SANBR: variants seen among roughly 807,000 people sequenced by gnomAD.
SANBR encodes SANT and BTB domain regulator of CSR.
SANBR carries 77 observed loss-of-function variants against 101.8 expected under a neutral mutation model. That is an observed-to-expected ratio of 0.76 (90% CI 0.63 to 0.91). SANBR has a LOEUF of 0.91. Ranked by LOEUF, SANBR falls within the 40% of genes least tolerant of loss-of-function variation. The pLI is 0.00. For missense variants in SANBR, 875 were observed against 853.0 expected (o/e 1.03, Z -0.32); for synonymous variants, 279 against 274.7 (o/e 1.02, Z -0.15).
At chr2:61,078,280 A>G (rs953151983) in intron 6 of SANBR, among the ~76,000 whole-genome samples, 1 of 152,226 alleles carries the variant, frequency 6.6e-6, no homozygotes, top group Admixed American at 6.5e-5. Flanking sequence ...ATACATTGCA[A>G]TTAACCTTTA....
intron 10 of SANBR, among the ~76,000 whole-genome samples, chr2:61,091,028 A>T (rs1370538942): frequency 6.6e-6 from 1 of 150,898 alleles, no homozygotes; most frequent in Non-Finnish European, 1.5e-5. Context: ...TCTGCCTCAG[A>T]CTCAGCCTCC....
At position 61,120,422 on chromosome 2, in the gene SANBR, C is replaced by T. The variant is rs145567465; in HGVS notation, c.2029-763C>T. 1.5e-3 allele frequency among the ~76,000 whole-genome samples: 222 copies of T among 152,274 alleles called. 1 individual carries two copies. The highest frequency in any genetic ancestry group is 3.9e-3 in the Admixed American group (60 of 15,290). On this transcript the variant is annotated intron_variant, in intron 20 of 21. Transcript: ENST00000402291. ...GGCTGAGGCAGGAGAATCACTTGAA[C>T]CCGGAAGGTTGAGGTTGCAGTGAGC...
intron 17 of SANBR, 200 bp from the exon 18 acceptor site, chr2:61,117,157 C>G: frequency 1.8e-6 from 1 of 568,260 alleles, no homozygotes; most frequent in Non-Finnish European, 3.1e-6. Flanking sequence ...TTCTTAACTT[C>G]TCTGAACCTG....
At chr2:61,109,740 C>T (rs1435206812) in intron 16 of SANBR, among the ~76,000 whole-genome samples, 1 of 135,822 alleles carries the variant, frequency 7.4e-6, no homozygotes, top group Non-Finnish European at 1.5e-5. Flanking sequence ...GCAATCTTGG[C>T]TCACTGCAAC....
chr2:61,100,113 G>A (rs1029140157), intron 12 of SANBR, among the ~76,000 whole-genome samples: 6 of 151,918 alleles, frequency 3.9e-5, no homozygotes, highest in Non-Finnish European at 5.9e-5. Context: ...GGGGTTTTTC[G>A]TTTGTTTGTT....
intron 5 of SANBR, among the ~76,000 whole-genome samples, chr2:61,074,826 C>T (rs905874811): frequency 3.9e-5 from 6 of 152,146 alleles, no homozygotes; most frequent in South Asian, 2.1e-4. Context: ...AACTCTGTTT[C>T]GTTAGTTCAA....
At chr2:61,081,041 A>G (rs908278006) in intron 6 of SANBR, among the ~76,000 whole-genome samples, 6 of 152,304 alleles carry the variant, frequency 3.9e-5, no homozygotes, top group Admixed American at 2.6e-4. Flanking sequence ...TTAAAATTAA[A>G]TATTTGTTCA....
At chr2:61,106,199 C>T (rs1683556264) in intron 13 of SANBR, among the ~76,000 whole-genome samples, 2 of 151,880 alleles carry the variant, frequency 1.3e-5, no homozygotes, top group Admixed American at 6.6e-5. Context: ...CAGGACCAGC[C>T]TGGCCAACAT....
intron 11 of SANBR, among the ~76,000 whole-genome samples, chr2:61,095,178 A>C (rs1389968942): frequency 6.6e-6 from 1 of 152,200 alleles, no homozygotes; most frequent in African/African-American, 2.4e-5. Flanking sequence ...GACATAATCA[A>C]GGATATCAAG....
chr2:61,074,490 C>T (rs1681653402), intron 5 of SANBR, among the ~76,000 whole-genome samples: 1 of 152,202 alleles, frequency 6.6e-6, no homozygotes, highest in African/African-American at 2.4e-5. Flanking sequence ...CTCTCTGCAA[C>T]TTCTGCCTCC....
intron 4 of SANBR, among the ~76,000 whole-genome samples, chr2:61,072,162 C>T (rs1217228353): frequency 6.6e-6 from 1 of 152,190 alleles, no homozygotes; most frequent in Non-Finnish European, 1.5e-5. Context: ...TGGTCTGGAA[C>T]TCCTGAGCTC....
chr2:61,108,974 G>A (rs1002076466), intron 15 of SANBR, among the ~76,000 whole-genome samples: 8 of 152,130 alleles, frequency 5.3e-5, no homozygotes, highest in East Asian at 1.9e-4. Context: ...GCCTACTACT[G>A]TTCTAGGTTC....
Position 61,083,098 on chromosome 2 carries a change from T to C in SANBR, c.730-56T>C, listed in dbSNP as rs993666903. 3 of 1,290,038 alleles carry C rather than the reference T, an allele frequency of 2.3e-6. No individual in the cohort carries two copies. The African/African-American group carries it at 4.4e-5, about 19-fold the overall frequency. The allele number at this position is 1,290,038 out of a possible 1,614,324, so 79.9% of individuals were successfully genotyped here. A position where few individuals can be genotyped will look rare whatever the true frequency, so the allele number is the denominator to read the frequency against. On this transcript the variant is annotated intron_variant, in intron 7 of 21. Transcript: ENST00000402291. Reference sequence around the variant, plus strand: ...GAATTTTATCTTTGAAAGGTATTGCTATGACATTGTCCTTCATGCTACTAT... The same window carrying C: ...GAATTTTATCTTTGAAAGGTATTGCCATGACATTGTCCTTCATGCTACTAT...
intron 12 of SANBR, among the ~76,000 whole-genome samples, chr2:61,100,748 A>G (rs1683243670): frequency 6.6e-6 from 1 of 152,166 alleles, no homozygotes; most frequent in South Asian, 2.1e-4. Flanking sequence ...GAAGGTTTGA[A>G]ATAGTATTTT....
intron 19 of SANBR, 146 bp from the exon 20 acceptor site, chr2:61,117,882 T>C (rs1411984328): frequency 7.5e-6 from 5 of 666,824 alleles, no homozygotes; most frequent in Non-Finnish European, 1.3e-5. Flanking sequence ...TAACTTAAAT[T>C]CTTCACAGAT....
rs1311916715 is a variant in SANBR at position 61,065,993 on chromosome 2, A to C, written c.-181A>C. The C allele has an allele frequency of 6.6e-6, 1 of 152,104 alleles. No homozygotes were observed. Among genetic ancestry groups the C allele is most frequent in the Non-Finnish European group, 1.5e-5 (1 of 68,088 alleles). 9.4% of individuals were successfully genotyped at this position (152,104 alleles called of 1,614,324 possible). On this transcript the variant is annotated 5_prime_UTR_variant, in exon 1 of 22. Coordinates refer to ENST00000402291, the MANE Select transcript of SANBR (RefSeq NM_001129993.3). ...GGCGGTGCCGACCACTGCAGGTAACAGAGGCGCTGCGAGGGCAGCCGCGGC... is the reference window on the plus strand; with the variant it reads ...GGCGGTGCCGACCACTGCAGGTAACCGAGGCGCTGCGAGGGCAGCCGCGGC...
chr2:61,112,062 C>T (rs1256210505), intron 16 of SANBR, among the ~76,000 whole-genome samples: 2 of 152,094 alleles, frequency 1.3e-5, no homozygotes, highest in South Asian at 2.1e-4. Context: ...TGAGTAGATA[C>T]TTAGGAGTGA....
chr2:61,128,890 A>T (rs1199847372), downstream of SANBR, among the ~76,000 whole-genome samples: 1 of 152,010 alleles, frequency 6.6e-6, no homozygotes, highest in African/African-American at 2.4e-5. Flanking sequence ...TGAGCCCAGG[A>T]GTTGGAGGCT....
At position 61,117,477 on chromosome 2, in the gene SANBR, CAGA is replaced by C. The variant is rs1386209817; in HGVS notation, c.1881_1883del (p.Lys627del). The C allele has an allele frequency of 6.2e-7, 1 of 1,613,400 alleles. No homozygotes were observed. Among genetic ancestry groups the C allele is most frequent in the African/African-American group, 1.3e-5 (1 of 74,868 alleles). ...CAATTTTTTCAATAGTATGAGTATG[CAGA>C]AGAATAAGTGGGATGCCACAAGATC... On this transcript the variant is annotated inframe_deletion, in exon 19 of 22. Transcript: ENST00000402291.
Sources: allele counts gnomAD v4.1 joint callset (sites outside exome capture counted in the v4.1 genomes callset), GRCh38; gene constraint gnomAD v4.1.1; transcripts MANE v1.5; gene names NCBI Gene and HGNC (gene_info 2026-07-23, HGNC 2026-07-21).